The following DNAH1 variants were observed in gnomAD, a reference collection of about 807,000 sequenced individuals.
DNAH1 encodes axonemal beta dynein heavy chain 1.
A neutral mutation model predicts 484.3 loss-of-function variants in DNAH1; 327 were observed. The observed-to-expected ratio is 0.68, with a 90% CI of 0.62 to 0.74. The LOEUF is 0.74. Ranked by LOEUF, DNAH1 falls within the 30% of genes least tolerant of loss-of-function variation. The pLI, the probability that DNAH1 is intolerant of heterozygous loss-of-function variation, is 0.00. For missense variants in DNAH1, 5,052 were observed against 5,546.8 expected (o/e 0.91, Z 2.83); for synonymous variants, 2,192 against 2,191.9 (o/e 1.00, Z 0.00).
At chr3:52,341,788 G>A (rs1457981120) in intron 8 of DNAH1, among the ~76,000 whole-genome samples, 2 of 152,108 alleles carry the variant, frequency 1.3e-5, no homozygotes, top group Admixed American at 1.3e-4. Context: ...AGTGAGGAAG[G>A]ATGGAATTCT....
the DNAH1 span, among the ~76,000 whole-genome samples, chr3:52,311,055 C>T: frequency 3.2e-4 from 49 of 152,272 alleles, 1 homozygote; most frequent in South Asian, 3.9e-3. Flanking sequence ...TTTTCACACC[C>T]GGGACTTGGC....
intron 48 of DNAH1, among the ~76,000 whole-genome samples, chr3:52,380,759 C>T (rs892771342): frequency 8.5e-5 from 13 of 152,310 alleles, no homozygotes; most frequent in South Asian, 2.1e-4. Context: ...CCCCAGTACA[C>T]GGTGCTCTGA....
intron 46 of DNAH1, among the ~76,000 whole-genome samples, chr3:52,377,909 TC>T (rs1429408354): frequency 6.6e-6 from 1 of 152,062 alleles, no homozygotes; most frequent in Non-Finnish European, 1.5e-5. Context: ...CTCATTGTCG[TC>T]CTTACCAACA....
At position 52,386,295 on chromosome 3, in the gene DNAH1, G is replaced by C; in HGVS notation, c.8761G>C (p.Asp2921His). The C allele has an allele frequency of 1.2e-6, 2 of 1,604,702 alleles. No individual in the cohort carries two copies. The highest frequency in any genetic ancestry group is 1.7e-6 in the Non-Finnish European group (2 of 1,175,866). Reference sequence around the variant, plus strand: ...CCTGGACGAGGCGTTGCCAGCCCTGGATGCGGCTCTGGCCAGCCTGCGCAA... The same window carrying C: ...CCTGGACGAGGCGTTGCCAGCCCTGCATGCGGCTCTGGCCAGCCTGCGCAA... The part of the protein sequence containing the change: ...KDLDEALPAL[D>H]AALASLRNLN... Residue 2921 changes from aspartate (D) to histidine (H), a missense_variant, in exon 55 of 78, where the codon GAT becomes CAT. By Grantham distance (81) the Asp-to-His change is moderately conservative. This residue lies in a region of DNAH1 where 2,929 missense variants were observed against 3,409.4 expected (regional missense o/e 0.86). Transcript: ENST00000420323.
Position 52,392,692 on chromosome 3 carries a change from C to G in DNAH1, c.10278+3C>G, listed in dbSNP as rs760063063. The G allele has an allele frequency of 8.2e-6, 13 of 1,593,814 alleles. No homozygotes were observed. The Admixed American group carries it at 2.3e-4, about 28-fold the overall frequency. On this transcript the variant is annotated splice_donor_region_variant and intron_variant, in intron 64 of 77. Transcript: ENST00000420323. ...AGATGAAGGCTGCTGAGATCCAGGT[C>G]AGCTGCTGCCTGCCCACCCACCTGC...
intron 16 of DNAH1, 113 bp downstream of exon 16, chr3:52,350,703 A>G (rs759619061): frequency 6.6e-5 from 66 of 996,886 alleles, no homozygotes; most frequent in Non-Finnish European, 9.1e-5. Flanking sequence ...ATCTCCCCAG[A>G]AACACCCCAC....
Position 52,357,973 on chromosome 3 carries a change from C to A in DNAH1, c.4056C>A (p.His1352Gln). The part of the protein sequence containing the change: ...QTKDPTAVQP[H>Q]LRKCFENIAR... ...AGGACCCCACGGCCGTGCAGCCACA[C>A]CTGCGCAAGTGCTTCGAGAACATCG... The change falls in exon 24 of 78, where the codon CAC becomes CAA. Residue 1352 changes from histidine (H) to glutamine (Q), a missense_variant. His to Gln is a conservative substitution (Grantham distance 24). Transcript: ENST00000420323. The A allele has an allele frequency of 6.2e-7, 1 of 1,612,654 alleles. No individual in the cohort carries two copies. Among genetic ancestry groups the A allele is most frequent in the Non-Finnish European group, 8.5e-7 (1 of 1,179,446 alleles).
upstream of DNAH1, among the ~76,000 whole-genome samples, chr3:52,311,666 C>T (rs931671967): frequency 5.5e-4 from 84 of 152,200 alleles, no homozygotes; most frequent in African/African-American, 2.0e-3. Context: ...TCCCTCCACC[C>T]AGCAATTATG....
At position 52,353,782 on chromosome 3, in the gene DNAH1, A is replaced by G. The variant is rs940902583; in HGVS notation, c.3480+149A>G. ...AGGCCCAGGGGTTGAGATGCATTCT[A>G]TTAAGTGAGTTAATAATGCACATAA... On this transcript the variant is annotated intron_variant, in intron 20 of 77. Transcript: ENST00000420323. The surrounding 1 kb of genome is among the most constrained non-coding windows in gnomAD (Gnocchi z 5.0). The G allele has an allele frequency of 2.9e-6, 3 of 1,019,218 alleles. No homozygotes were observed. The Admixed American group carries it at 8.1e-5, about 28-fold the overall frequency. The allele number at this position is 1,019,218 out of a possible 1,614,324, so 63.1% of individuals were successfully genotyped here.
intron 66 of DNAH1, among the ~76,000 whole-genome samples, chr3:52,394,044 G>A (rs1304932081): frequency 5.3e-5 from 8 of 152,362 alleles, no homozygotes; most frequent in Non-Finnish European, 1.5e-5. Context: ...CCCCAGGGAC[G>A]GACTGTCCTG....
In DNAH1 at chr3:52,373,051, T is replaced by C. The variant is rs370646177; in HGVS notation, c.6983T>C (p.Ile2328Thr). ...DHGGWYDRKI[I>T]GAFKNLVDIN... Reference sequence around the variant, plus strand: ...GGCGGCTGGTACGACCGCAAGATCATTGGTGAGTGTGGCCGGCCTGGCTCA... The same window carrying C: ...GGCGGCTGGTACGACCGCAAGATCACTGGTGAGTGTGGCCGGCCTGGCTCA... Residue 2328 changes from isoleucine (I) to threonine (T), a missense_variant and splice_region_variant, in exon 44 of 78, where the codon ATT (isoleucine) becomes ACT (threonine). Ile to Thr is a moderately conservative substitution (Grantham distance 89). Around this residue, in one of 4 missense-constraint regions of DNAH1, gnomAD observed 2,929 missense variants for 3,409.4 expected, o/e 0.86. Transcript: ENST00000420323. 11 of 1,609,760 alleles carry C rather than the reference T, an allele frequency of 6.8e-6. No homozygotes were observed. The African/African-American group carries it at 1.1e-4, about 16-fold the overall frequency.
In DNAH1 at chr3:52,394,868, T is replaced by A. The variant is rs771330785; in HGVS notation, c.10824-47T>A. The A allele has an allele frequency of 1.9e-6, 3 of 1,600,518 alleles. No homozygotes were observed. The South Asian group carries it at 3.3e-5, about 18-fold the overall frequency. ...GGCCGAATCCCTGGGGCCACCAACC[T>A]CCTTCCAACAGGCTGGCTCTCAGGG... is the stretch of plus-strand genomic sequence containing the variant. On this transcript the variant is annotated intron_variant, in intron 67 of 77. Transcript: ENST00000420323.
chr3:52,312,471 CTTTT>C (rs1206348745), upstream of DNAH1, among the ~76,000 whole-genome samples: 5 of 135,162 alleles, frequency 3.7e-5, no homozygotes, highest in Non-Finnish European at 6.4e-5. Flanking sequence ...TATTGCCACG[CTTTT>C]TTTTTTTTTT....
chr3:52,348,826 C>T (rs1702249917), intron 12 of DNAH1, 62 bp from the exon 13 acceptor site: 1 of 1,565,496 alleles, frequency 6.4e-7, no homozygotes, highest in South Asian at 1.2e-5. Flanking sequence ...CCCCATCTCC[C>T]CTCTGCTCAT....
At chr3:52,394,866 C>T (rs1289299868) in intron 67 of DNAH1, 49 bp from the exon 68 acceptor site, 1 of 1,599,430 alleles carries the variant, frequency 6.3e-7, no homozygotes, top group Non-Finnish European at 8.5e-7. Flanking sequence ...GGGCCACCAA[C>T]CTCCTTCCAA....
At position 52,371,943 on chromosome 3, in the gene DNAH1, C is replaced by T; in HGVS notation, c.6526-3C>T. The T allele has an allele frequency of 6.2e-7, 1 of 1,613,172 alleles. No individual in the cohort carries two copies. Among genetic ancestry groups the T allele is most frequent in the South Asian group, 1.1e-5 (1 of 91,030 alleles). On this transcript the variant is annotated splice_polypyrimidine_tract_variant and splice_region_variant and intron_variant, in intron 41 of 77. Coordinates refer to ENST00000420323, the MANE Select transcript of DNAH1 (RefSeq NM_015512.5). ...CCCACTGCTGAGCCACCTATGATTC[C>T]AGGTTGCCTGGGTGAAGTGGATGGA...
intron 46 of DNAH1, among the ~76,000 whole-genome samples, chr3:52,377,962 A>T (rs1203062814): frequency 6.6e-6 from 1 of 151,752 alleles, no homozygotes; most frequent in Non-Finnish European, 1.5e-5. Flanking sequence ...TGTTTGGGTC[A>T]CTCTGTGCCC....
At chr3:52,366,206 G>A (rs1703066519) in intron 34 of DNAH1, among the ~76,000 whole-genome samples, 1 of 152,186 alleles carries the variant, frequency 6.6e-6, no homozygotes, top group South Asian at 2.1e-4. Flanking sequence ...CCTGACCAAT[G>A]GCTGTGAAGG....
chr3:52,354,913 C>CCTACAT lies in DNAH1; in HGVS notation c.3553_3558dup (p.Tyr1185_Ile1186dup). 6.2e-7 allele frequency: 1 copy of CCTACAT among 1,614,058 alleles called. No homozygotes were observed. On this transcript the variant is annotated inframe_insertion, in exon 21 of 78. Transcript: ENST00000420323. ...GTACTGCCCTACAAGGCGACAGACA[C>CCTACAT]CTACATCCTGAAGAGCCCGGACGAG...
Sources: gnomAD v4.1 joint callset for allele counts (sites outside exome capture counted in the v4.1 genomes callset) on GRCh38, gnomAD v4.1.1 for gene constraint, gnomAD v4.1.1 regional missense constraint, Gnocchi (gnomAD v3.1) non-coding constraint, MANE v1.5 for transcripts, NCBI Gene and HGNC (gene_info 2026-07-23, HGNC 2026-07-21) for gene names.